The following BCL9 variants were observed in gnomAD, a reference collection of about 807,000 sequenced individuals.
The protein encoded by BCL9 is B-cell CLL/lymphoma 9 protein.
A neutral mutation model predicts 88.5 loss-of-function variants in BCL9; 25 were observed. That is an observed-to-expected ratio of 0.28 (90% CI 0.21 to 0.39). The LOEUF is 0.39. Among genes scored for constraint, BCL9 ranks in the 10% least tolerant of loss-of-function variants. The pLI, the probability that BCL9 is intolerant of heterozygous loss-of-function variation, is 1.00. For missense variants in BCL9, 1,817 were observed against 1,877.8 expected, an observed-to-expected ratio of 0.97 and a Z score of 0.60; for synonymous variants, 711 against 673.3, an observed-to-expected ratio of 1.06 and a Z score of -0.87.
At chr1:147,564,150 A>G (rs782076617) in intron 1 of BCL9, among the ~76,000 whole-genome samples, 1 of 152,148 alleles carries the variant, frequency 6.6e-6, no homozygotes, top group South Asian at 2.1e-4. Flanking sequence ...ATCTCAGACT[A>G]GTAACTTCCT....
chr1:147,599,445 G>A (rs913326767), intron 1 of BCL9, among the ~76,000 whole-genome samples: 7 of 152,062 alleles, frequency 4.6e-5, no homozygotes, highest in Non-Finnish European at 7.3e-5. Context: ...GTCAAAAGAT[G>A]GCCAAATTCC....
intron 4 of BCL9, among the ~76,000 whole-genome samples, chr1:147,612,127 G>A (rs587698587): frequency 2.6e-5 from 4 of 151,966 alleles, no homozygotes; most frequent in Middle Eastern, 3.2e-3. Context: ...ACCTCTCCCC[G>A]CACCTCCCTG....
rs149624313 is a variant in BCL9, at chr1:147,592,399, A to T, written c.-477-12378A>T. 1.5e-3 allele frequency among the ~76,000 whole-genome samples: 233 copies of T among 152,214 alleles called. 1 individual carries two copies. Among genetic ancestry groups the T allele is most frequent in the Non-Finnish European group, 2.5e-3 (171 of 68,008 alleles). Reference sequence around the variant, plus strand: ...CCTTCTATCTTGAATTTCTGGGGAGAGTTCTCCAAGCTTCAAAATTAGCCT... The same window carrying T: ...CCTTCTATCTTGAATTTCTGGGGAGTGTTCTCCAAGCTTCAAAATTAGCCT... On this transcript the variant is annotated intron_variant, in intron 1 of 9. Coordinates refer to ENST00000234739, the MANE Select transcript of BCL9 (RefSeq NM_004326.4).
chr1:147,602,296 T>G (rs1553201427), intron 1 of BCL9, among the ~76,000 whole-genome samples: 2 of 147,882 alleles, frequency 1.4e-5, no homozygotes, highest in African/African-American at 5.0e-5. Context: ...AACCTCCGCC[T>G]CCCCATCCCA....
intron 1 of BCL9, among the ~76,000 whole-genome samples, chr1:147,559,103 G>GAAAAA (rs1185416024): frequency 3.4e-5 from 5 of 146,730 alleles, no homozygotes; most frequent in Admixed American, 2.1e-4. Context: ...TTGATATTTT[G>GAAAAA]AAGGTTTTTT....
At chr1:147,617,853 C>T (rs370328495) in intron 7 of BCL9, among the ~76,000 whole-genome samples, 2 of 152,098 alleles carry the variant, frequency 1.3e-5, no homozygotes, top group Non-Finnish European at 2.9e-5. Context: ...GTTTGTAGAT[C>T]AAGTCCTTCT....
chr1:147,572,867 G>A (rs1471224205), intron 1 of BCL9, among the ~76,000 whole-genome samples: 2 of 152,286 alleles, frequency 1.3e-5, no homozygotes, highest in East Asian at 1.9e-4. Flanking sequence ...GGCGTGAGCC[G>A]CTACACATGG....
At position 147,624,853 on chromosome 1, in the gene BCL9, A is replaced by G. The variant is rs782798002; in HGVS notation, c.4175A>G (p.Gln1392Arg). 76 of 1,613,932 alleles carry G rather than the reference A, an allele frequency of 4.7e-5. No homozygotes were observed. In the South Asian group the frequency reaches 8.1e-4, roughly 17 times the overall value. The change falls in exon 10 of 10, where the codon CAG becomes CGG. Residue 1392 changes from glutamine to arginine, a missense_variant. Transcript: ENST00000234739. The surrounding 1 kb of genome is among the most constrained non-coding windows in gnomAD (Gnocchi z 4.4). ...MSMQGMMGPQ[Q>R]NIMIPPQMRP... ...ATGCAGGGCATGATGGGACCCCAAC[A>G]GAACATCATGATCCCCCCACAGATG...
chr1:147,607,382 C>G (rs1657772861), intron 3 of BCL9, among the ~76,000 whole-genome samples: 1 of 152,096 alleles, frequency 6.6e-6, no homozygotes, highest in African/African-American at 2.4e-5. Context: ...GTGCTAGGCA[C>G]TATAGTAATT....
intron 1 of BCL9, among the ~76,000 whole-genome samples, chr1:147,582,273 A>G (rs666106): frequency 1.3e-5 from 2 of 152,114 alleles, no homozygotes; most frequent in Non-Finnish European, 2.9e-5. Flanking sequence ...TTATTTAACC[A>G]TTCCTATTCT....
intron 8 of BCL9, among the ~76,000 whole-genome samples, chr1:147,621,503 C>T (rs897383359): frequency 1.3e-5 from 2 of 152,188 alleles, no homozygotes; most frequent in Admixed American, 6.5e-5. Flanking sequence ...CTGTTGACCA[C>T]AGAAACAGTT....
At chr1:147,548,855 A>G (rs782771168) in intron 1 of BCL9, among the ~76,000 whole-genome samples, 3 of 152,012 alleles carry the variant, frequency 2.0e-5, no homozygotes, top group Non-Finnish European at 4.4e-5. Flanking sequence ...TTGCAACCTT[A>G]TGTTGCATTA....
chr1:147,619,549 T>C lies in BCL9; in HGVS notation c.1394T>C (p.Met465Thr). The change falls in exon 8 of 10, where the codon ATG becomes ACG. Residue 465 changes from methionine to threonine, a missense_variant. This residue lies in a region of BCL9 where 1,228 missense variants were observed against 1,191.6 expected (regional missense o/e 1.03). Transcript: ENST00000234739. This position sits in a 1 kb window ranked among gnomAD's most constrained non-coding sequence, Gnocchi z 4.1. Reference protein sequence around the residue: ...GTIGPDHLDHMTPEQIAWLKL... With the variant: ...GTIGPDHLDHTTPEQIAWLKL... The stretch of plus-strand genomic sequence containing the variant: ...ATAGGACCCGACCACCTTGACCATA[T>C]GACTCCCGAGCAGATAGCGTGGCTG... 2.5e-6 allele frequency: 4 copies of C among 1,613,918 alleles called. No homozygotes were observed. Among genetic ancestry groups the C allele is most frequent in the Non-Finnish European group, 3.4e-6 (4 of 1,179,996 alleles).
chr1:147,595,775 A>G (rs1310241060), intron 1 of BCL9, among the ~76,000 whole-genome samples: 1 of 152,326 alleles, frequency 6.6e-6, no homozygotes, highest in East Asian at 1.9e-4. Context: ...AAGAACTGGT[A>G]TGAAGGTCAA....
intron 9 of BCL9, among the ~76,000 whole-genome samples, chr1:147,622,779 G>T (rs965956795): frequency 2.6e-5 from 4 of 152,094 alleles, no homozygotes; most frequent in Non-Finnish European, 5.9e-5. Flanking sequence ...CTGTGTACCT[G>T]GATGGTTTTG....
In BCL9 at chr1:147,625,320, ATTC is replaced by A. The variant is rs142536811; in HGVS notation, c.*364_*366del. 6,398 of 268,362 alleles carry A rather than the reference ATTC, an allele frequency of 0.024. 118 individuals are homozygous for A. The highest frequency in any genetic ancestry group is 0.039 in the Middle Eastern group (34 of 874). 16.6% of individuals were successfully genotyped at this position (268,362 alleles called of 1,614,324 possible). A position where few individuals can be genotyped will look rare whatever the true frequency, so the allele number is the denominator to read the frequency against. On this transcript the variant is annotated 3_prime_UTR_variant, in exon 10 of 10. Coordinates refer to ENST00000234739, the MANE Select transcript of BCL9 (RefSeq NM_004326.4). ...GTCCTTTGGACTGGCTTCTCCCAGG[ATTC>A]TTTTCTGTTTTTGTTTTTTTGATTT... is the stretch of plus-strand genomic sequence containing the variant.
Position 147,620,862 on chromosome 1 carries a change from G to A in BCL9, c.2707G>A (p.Ala903Thr). 1 of 1,614,186 alleles carries A rather than the reference G, an allele frequency of 6.2e-7. No individual in the cohort carries two copies. The highest frequency in any genetic ancestry group is 8.5e-7 in the Non-Finnish European group (1 of 1,180,038). Residue 903 changes from alanine to threonine, a missense_variant, in exon 8 of 10, where the codon GCT becomes ACT. Physicochemically the swap from Ala to Thr is moderately conservative, Grantham distance 58. Coordinates refer to ENST00000234739, the MANE Select transcript of BCL9 (RefSeq NM_004326.4). ...CATGCTGGCGGGCCCAGCTGCTGCT[G>A]CTTCCATTAAGTCCCCCCCTGTTTT... ...AGMLAGPAAA[A>T]SIKSPPVLGS...
In BCL9 at chr1:147,619,912, G is replaced by C. The variant is rs1553204823; in HGVS notation, c.1757G>C (p.Gly586Ala). The C allele has an allele frequency of 1.2e-6, 2 of 1,614,100 alleles. No individual in the cohort carries two copies. The highest frequency in any genetic ancestry group is 1.1e-5 in the South Asian group (1 of 91,090). The change falls in exon 8 of 10, where the codon GGT (glycine) becomes GCT (alanine). Residue 586 changes from glycine to alanine, a missense_variant. By Grantham distance (60) the Gly-to-Ala change is moderately conservative. Coordinates refer to ENST00000234739, the MANE Select transcript of BCL9 (RefSeq NM_004326.4). This position sits in a 1 kb window ranked among gnomAD's most constrained non-coding sequence, Gnocchi z 4.1. ...GTCCCCAACCCTGCATCTAGACCAGGTCTTTCTGGAGTCAGTTGGCCAGAT... is the reference window on the plus strand; with the variant it reads ...GTCCCCAACCCTGCATCTAGACCAGCTCTTTCTGGAGTCAGTTGGCCAGAT... ...PNVPNPASRPGLSGVSWPDDV... is the reference protein window; with the variant it reads ...PNVPNPASRPALSGVSWPDDV...
intron 1 of BCL9, among the ~76,000 whole-genome samples, chr1:147,596,779 T>TA (rs1397267126): frequency 6.6e-6 from 1 of 152,154 alleles, no homozygotes; most frequent in Non-Finnish European, 1.5e-5. Context: ...CAATTATTAA[T>TA]GACTCTCTTG....
Sources: allele counts gnomAD v4.1 joint callset (sites outside exome capture counted in the v4.1 genomes callset), GRCh38; gene constraint gnomAD v4.1.1; regional missense constraint gnomAD v4.1.1; non-coding constraint Gnocchi (gnomAD v3.1); transcripts MANE v1.5; gene names NCBI Gene and HGNC (gene_info 2026-07-23, HGNC 2026-07-21).